The following TBXA2R variants were observed in gnomAD, a reference collection of about 807,000 sequenced individuals.
TBXA2R encodes prostanoid TP receptor.
In TBXA2R, 15 loss-of-function variants were observed where a neutral mutation model predicts 15.6. That is an observed-to-expected ratio of 0.96 (90% CI 0.64 to 1.48). TBXA2R has a LOEUF of 1.48. TBXA2R is among the 40% of genes most tolerant of loss of function. The pLI is 0.00. For synonymous variants in TBXA2R, 280 were observed against 241.2 expected (o/e 1.16, Z -1.49); for missense variants, 506 against 491.4 (o/e 1.03, Z -0.28).
Position 3,600,696 on chromosome 19 carries a change from G to T in TBXA2R, c.-62C>A. 6.3e-7 allele frequency: 1 copy of T among 1,576,882 alleles called. No homozygotes were observed. Among genetic ancestry groups the T allele is most frequent in the South Asian group, 1.1e-5 (1 of 87,834 alleles). On this transcript the variant is annotated 5_prime_UTR_variant, in exon 2 of 3. Transcript: ENST00000375190. ...CAGGCCGATGCTGCAGACAGGGCAGGCTGGCACTGGTTCAGGCACACCTGG... is the reference window on the plus strand; with the variant it reads ...CAGGCCGATGCTGCAGACAGGGCAGTCTGGCACTGGTTCAGGCACACCTGG...
chr19:3,598,863 T>G (rs1376921323), intron 2 of TBXA2R, among the ~76,000 whole-genome samples: 1 of 151,904 alleles, frequency 6.6e-6, no homozygotes, highest in African/African-American at 2.4e-5. Context: ...AGAGACGGGG[T>G]TTCACCATGT....
At position 3,595,095 on chromosome 19, in the gene TBXA2R, AT is replaced by A; in HGVS notation, c.*592del. 2.7e-6 allele frequency: 2 copies of A among 730,714 alleles called. No homozygotes were observed. The highest frequency in any genetic ancestry group is 1.8e-5 in the South Asian group (1 of 56,758). 45.3% of individuals were successfully genotyped at this position (730,714 alleles called of 1,614,324 possible). A position where few individuals can be genotyped will look rare whatever the true frequency, so the allele number is the denominator to read the frequency against. On this transcript the variant is annotated 3_prime_UTR_variant, in exon 3 of 3. Transcript: ENST00000375190. ...ACTCCGTCTAAAAAAAAAAAAAAAA[AT>A]GGCCAGGTGTGGTGGTTCATGCCTG...
At chr19:3,599,148 AT>A (rs940970039) in intron 2 of TBXA2R, among the ~76,000 whole-genome samples, 17 of 149,910 alleles carry the variant, frequency 1.1e-4, no homozygotes, top group African/African-American at 3.9e-4. Flanking sequence ...GCTGCTTTCT[AT>A]TTTTTTTCTT....
Position 3,594,708 on chromosome 19 carries a change from G to A in TBXA2R, c.*980C>T. On this transcript the variant is annotated 3_prime_UTR_variant, in exon 3 of 3. Coordinates refer to ENST00000375190, the MANE Select transcript of TBXA2R (RefSeq NM_001060.6). The stretch of plus-strand genomic sequence containing the variant: ...GTCCCTCCCCATCCTTCCCAGCCCT[G>A]CCCTCGTCTGCTCCGGGTGAGGCCC... 2 of 756,192 alleles carry A rather than the reference G, an allele frequency of 2.6e-6. No individual in the cohort carries two copies. The highest frequency in any genetic ancestry group is 4.1e-6 in the Non-Finnish European group (2 of 483,798). 46.8% of individuals were successfully genotyped at this position (756,192 alleles called of 1,614,324 possible).
intron 1 of TBXA2R, among the ~76,000 whole-genome samples, chr19:3,605,189 C>A (rs550210696): frequency 6.6e-6 from 1 of 152,218 alleles, no homozygotes; most frequent in African/African-American, 2.4e-5. Flanking sequence ...TGGGGGCTCC[C>A]CAGGGAGCAT....
At chr19:3,600,782 ACTC>A in intron 1 of TBXA2R, 65 bp from the exon 2 acceptor site, 2 of 815,176 alleles carry the variant, frequency 2.5e-6, no homozygotes, top group Admixed American at 4.8e-5. Flanking sequence ...GCTCTGGTGA[ACTC>A]CTACACAACC....
At chr19:3,604,522 T>TTTC (rs1411955148) in intron 1 of TBXA2R, among the ~76,000 whole-genome samples, 4 of 152,042 alleles carry the variant, frequency 2.6e-5, no homozygotes, top group Admixed American at 2.0e-4. Flanking sequence ...CATCCATCCA[T>TTTC]TTCTCAACAA....
At chr19:3,603,105 C>T (rs1187649110) in intron 1 of TBXA2R, among the ~76,000 whole-genome samples, 4 of 152,074 alleles carry the variant, frequency 2.6e-5, no homozygotes. Flanking sequence ...CTCAGCACAG[C>T]ACAGCGGGCA....
Position 3,599,859 on chromosome 19 carries a change from A to G in TBXA2R, c.776T>C (p.Leu259Pro). The change falls in exon 2 of 3, where the codon CTG (leucine) becomes CCG (proline). Residue 259 changes from leucine (L) to proline (P), a missense_variant. By Grantham distance (98) the Leu-to-Pro change is moderately conservative. Transcript: ENST00000375190. ...GIMVVASVCW[L>P]PLLVFIAQTV... is the part of the protein sequence containing the mutation. Reference sequence around the variant, plus strand: ...AGAGCCCCTACTCACCAGAAGGGGCAGCCAACACACGCTGGCCACCACCAT... The same window carrying G: ...AGAGCCCCTACTCACCAGAAGGGGCGGCCAACACACGCTGGCCACCACCAT... 1.3e-6 allele frequency: 2 copies of G among 1,549,104 alleles called. No individual in the cohort carries two copies.
Position 3,595,873 on chromosome 19 carries a change from A to G in TBXA2R, c.847T>C (p.Ser283Pro). The G allele has an allele frequency of 6.2e-7, 1 of 1,609,624 alleles. No homozygotes were observed. The change falls in exon 3 of 3, where the codon TCC (serine) becomes CCC (proline). Residue 283 changes from serine (S) to proline (P), a missense_variant. Physicochemically the swap from Ser to Pro is moderately conservative, Grantham distance 74. Transcript: ENST00000375190. ...PPAMSPAGQL[S>P]RTTEKELLIY... ...AGCAGCTCCTTCTCCGTGGTGCGGG[A>G]CAGCTGCCCGGCGGGGCTCATGGCA...
At chr19:3,597,761 T>C (rs575529680) in intron 2 of TBXA2R, among the ~76,000 whole-genome samples, 33 of 151,044 alleles carry the variant, frequency 2.2e-4, no homozygotes, top group Middle Eastern at 3.4e-3. Context: ...TGAAACCCCG[T>C]CTCTACTAAA....
chr19:3,605,346 A>G (rs139101123), intron 1 of TBXA2R, among the ~76,000 whole-genome samples: 10 of 152,372 alleles, frequency 6.6e-5, no homozygotes, highest in African/African-American at 2.4e-4. Flanking sequence ...CTCGAGACAC[A>G]CAGACACAGC....
In TBXA2R at chr19:3,596,051, CAG is replaced by C. The variant is rs547034644; in HGVS notation, c.787-120_787-119del. 43 of 1,295,448 alleles carry C rather than the reference CAG, an allele frequency of 3.3e-5. No homozygotes were observed. The East Asian group carries it at 9.4e-4, about 28-fold the overall frequency. The allele number at this position is 1,295,448 out of a possible 1,614,324, so 80.2% of individuals were successfully genotyped here. A position where few individuals can be genotyped will look rare whatever the true frequency, so the allele number is the denominator to read the frequency against. ...CCGTTTTTTAATTTTATTTTTGAGA[CAG>C]GGTCTCACTCTGTCGTCCAGGCTGG... On this transcript the variant is annotated intron_variant, in intron 2 of 2. Transcript: ENST00000375190.
chr19:3,596,194 A>G (rs1486264872), intron 2 of TBXA2R, among the ~76,000 whole-genome samples: 1 of 151,912 alleles, frequency 6.6e-6, no homozygotes, highest in Non-Finnish European at 1.5e-5. Context: ...ACACCTGGCT[A>G]ATTTTTGTAT....
intron 2 of TBXA2R, among the ~76,000 whole-genome samples, chr19:3,599,586 T>A (rs1325127599): frequency 6.6e-6 from 1 of 152,158 alleles, no homozygotes; most frequent in Admixed American, 6.5e-5. Context: ...CGCCTCGGCC[T>A]CCCAAAGTGC....
intron 2 of TBXA2R, 34 bp from the exon 3 acceptor site, chr19:3,595,967 G>C: frequency 1.3e-6 from 2 of 1,564,400 alleles, no homozygotes; most frequent in Non-Finnish European, 1.7e-6. Context: ...CTGGGCCCCC[G>C]CCTCCAGCCC....
chr19:3,595,921 G>A lies in TBXA2R; in HGVS notation c.799C>T (p.Gln267Ter). The A allele has an allele frequency of 6.3e-7, 1 of 1,595,018 alleles. No individual in the cohort carries two copies. The highest frequency in any genetic ancestry group is 8.5e-7 in the Non-Finnish European group (1 of 1,171,874). ...CWLPLLVFIA[Q>*]TVLRNPPAMS... ...GCAGGCGGGTTTCGCAGCACTGTCT[G>A]GGCGATGAAGACCTGCAAAGGGGAG... is the stretch of plus-strand genomic sequence containing the variant. Residue 267 changes from glutamine to a stop codon, truncating the protein, a stop_gained, in exon 3 of 3, where the codon CAG becomes TAG. Coordinates refer to ENST00000375190, the MANE Select transcript of TBXA2R (RefSeq NM_001060.6). LOFTEE classifies it low-confidence loss of function (END_TRUNC).
chr19:3,604,902 C>T (rs34307185), intron 1 of TBXA2R, among the ~76,000 whole-genome samples: 10 of 152,308 alleles, frequency 6.6e-5, no homozygotes, highest in African/African-American at 9.6e-5. Context: ...CTTCAGGGAC[C>T]GGCCAGACCC....
Position 3,594,694 on chromosome 19 carries a change from T to A in TBXA2R, c.*994A>T. 2 of 672,646 alleles carry A rather than the reference T, an allele frequency of 3.0e-6. No homozygotes were observed. The highest frequency in any genetic ancestry group is 4.8e-6 in the Non-Finnish European group (2 of 413,744). 41.7% of individuals were successfully genotyped at this position (672,646 alleles called of 1,614,324 possible). On this transcript the variant is annotated 3_prime_UTR_variant, in exon 3 of 3. Transcript: ENST00000375190. ...ACCGAATCCTCTATGTCCCTCCCCATCCTTCCCAGCCCTGCCCTCGTCTGC... is the reference window on the plus strand; with the variant it reads ...ACCGAATCCTCTATGTCCCTCCCCAACCTTCCCAGCCCTGCCCTCGTCTGC...
Sources: allele counts gnomAD v4.1 joint callset (sites outside exome capture counted in the v4.1 genomes callset), GRCh38; gene constraint gnomAD v4.1.1; transcripts MANE v1.5; gene names NCBI Gene and HGNC (gene_info 2026-07-23, HGNC 2026-07-21).